Variants in DKK2 observed in about 807,000 individuals in gnomAD.
DKK2 encodes dickkopf-related protein 2.
A neutral mutation model predicts 28.1 loss-of-function variants in DKK2; 11 were observed. The ratio of observed to expected loss-of-function variants is 0.39; its 90% CI spans 0.25 to 0.65. The LOEUF (loss-of-function observed/expected upper bound fraction) is 0.65. Among genes scored for constraint, DKK2 ranks in the 30% least tolerant of loss-of-function variants. The pLI is 0.47. For synonymous variants in DKK2, 135 were observed against 126.5 expected (o/e 1.07, Z -0.45); for missense variants, 326 against 335.5 (o/e 0.97, Z 0.22).
chr4:107,000,064 A>G (rs560858429), intron 1 of DKK2, among the ~76,000 whole-genome samples: 124 of 152,278 alleles, frequency 8.1e-4, no homozygotes, highest in African/African-American at 1.8e-3. Context: ...AAAATAGAAT[A>G]TAAACATTAA....
intron 1 of DKK2, among the ~76,000 whole-genome samples, chr4:107,022,271 G>C (rs1214761609): frequency 6.6e-6 from 1 of 152,052 alleles, no homozygotes; most frequent in Non-Finnish European, 1.5e-5. Context: ...CATATACCTT[G>C]TCCTAAATGT....
intron 1 of DKK2, among the ~76,000 whole-genome samples, chr4:106,990,558 C>T (rs1302803334): frequency 1.3e-5 from 2 of 152,098 alleles, no homozygotes. Flanking sequence ...AAATGAAAAC[C>T]CTGATTTGCA....
In DKK2 at chr4:107,032,663, C is replaced by T. The variant is rs543214965; in HGVS notation, c.222+2707G>A. ...GCCTACTTGAAGCTGCATCCTAGAG[C>T]TTCTTCCTCCTGTATCCCTGAAAGG... On this transcript the variant is annotated intron_variant, in intron 1 of 3. Transcript: ENST00000285311. 2.0e-5 allele frequency among the ~76,000 whole-genome samples: 3 copies of T among 152,252 alleles called. No homozygotes were observed. In the South Asian group the frequency reaches 6.2e-4, roughly 32 times the overall value.
chr4:106,935,074 A>G (rs1427592945), intron 1 of DKK2, among the ~76,000 whole-genome samples: 4 of 151,994 alleles, frequency 2.6e-5, no homozygotes, highest in Non-Finnish European at 5.9e-5. Context: ...AAATAGACTA[A>G]TAAACCTTTT....
Position 106,944,172 on chromosome 4 carries a change from A to G in DKK2, c.223-18223T>C, listed in dbSNP as rs568683489. Among the ~76,000 whole-genome samples the G allele has an allele frequency of 7.2e-5, 11 of 152,210 alleles. No individual in the cohort carries two copies. The South Asian group carries it at 1.9e-3, about 26-fold the overall frequency. Reference sequence around the variant, plus strand: ...TTCTTGATACACTTTAGTCACAGCAATATAGCAACCAGTACCTAACAAGTA... The same window carrying G: ...TTCTTGATACACTTTAGTCACAGCAGTATAGCAACCAGTACCTAACAAGTA... On this transcript the variant is annotated intron_variant, in intron 1 of 3. Transcript: ENST00000285311.
intron 1 of DKK2, among the ~76,000 whole-genome samples, chr4:106,995,047 A>G (rs1723252472): frequency 6.6e-6 from 1 of 152,212 alleles, no homozygotes; most frequent in African/African-American, 2.4e-5. Flanking sequence ...TTAACCACAT[A>G]TAAAACTTGA....
chr4:107,017,453 TAGAG>T (rs549156750), intron 1 of DKK2, among the ~76,000 whole-genome samples: 1 of 151,910 alleles, frequency 6.6e-6, no homozygotes, highest in African/African-American at 2.4e-5. Context: ...GTGTTTTCAT[TAGAG>T]AGAGAGAATC....
chr4:106,983,080 G>T (rs1723050805), intron 1 of DKK2, among the ~76,000 whole-genome samples: 2 of 151,348 alleles, frequency 1.3e-5, no homozygotes, highest in South Asian at 4.2e-4. Context: ...AAAAAAGAAA[G>T]AAACAAAGAA....
intron 1 of DKK2, among the ~76,000 whole-genome samples, chr4:106,960,014 G>T (rs1434558631): frequency 4.0e-5 from 6 of 151,466 alleles, no homozygotes; most frequent in Admixed American, 1.3e-4. Context: ...TAGATATCTA[G>T]ATATCCTTTT....
chr4:106,941,015 G>A (rs1247072162), intron 1 of DKK2, among the ~76,000 whole-genome samples: 1 of 151,890 alleles, frequency 6.6e-6, no homozygotes, highest in African/African-American at 2.4e-5. Flanking sequence ...GCTAGATGAC[G>A]AGTTAGTGGG....
intron 1 of DKK2, among the ~76,000 whole-genome samples, chr4:107,000,138 A>C (rs1039170995): frequency 2.4e-4 from 36 of 152,168 alleles, no homozygotes; most frequent in African/African-American, 8.2e-4. Flanking sequence ...GCCCACTGAA[A>C]CTATTCAATG....
intron 1 of DKK2, among the ~76,000 whole-genome samples, chr4:107,000,929 C>G (rs116610421): frequency 3.3e-5 from 5 of 151,960 alleles, no homozygotes; most frequent in African/African-American, 1.2e-4. Context: ...CTGTACTAAC[C>G]GTAACAGGTT....
intron 1 of DKK2, among the ~76,000 whole-genome samples, chr4:107,023,145 A>G (rs1480279698): frequency 1.3e-5 from 2 of 152,124 alleles, no homozygotes; most frequent in Non-Finnish European, 2.9e-5. Flanking sequence ...CAATTTTTCC[A>G]TAGAGTATAA....
intron 1 of DKK2, among the ~76,000 whole-genome samples, chr4:106,985,226 A>AG (rs1371924079): frequency 7.9e-5 from 12 of 151,846 alleles, no homozygotes; most frequent in African/African-American, 2.4e-4. Flanking sequence ...AAAAAAAAAA[A>AG]AAGATTATAG....
At chr4:106,982,362 T>A (rs1723039070) in intron 1 of DKK2, among the ~76,000 whole-genome samples, 1 of 152,174 alleles carries the variant, frequency 6.6e-6, no homozygotes, top group South Asian at 2.1e-4. Context: ...TCATCACCCC[T>A]TCCACTAACT....
intron 1 of DKK2, among the ~76,000 whole-genome samples, chr4:106,989,307 T>A (rs951479599): frequency 6.6e-6 from 1 of 152,204 alleles, no homozygotes; most frequent in African/African-American, 2.4e-5. Flanking sequence ...GATTCTGGAC[T>A]ATAAAGCCAA....
At chr4:107,030,533 GATAA>G (rs1353086741) in intron 1 of DKK2, among the ~76,000 whole-genome samples, 3 of 151,872 alleles carry the variant, frequency 2.0e-5, no homozygotes, top group Non-Finnish European at 2.9e-5. Flanking sequence ...TGAACAATCA[GATAA>G]ATAACTAAAA....
At chr4:106,974,819 C>T (rs1037194185) in intron 1 of DKK2, among the ~76,000 whole-genome samples, 1 of 152,010 alleles carries the variant, frequency 6.6e-6, no homozygotes, top group African/African-American at 2.4e-5. Context: ...TTTCTTGTGC[C>T]GGTTTTCAAA....
chr4:106,970,207 A>T (rs75368162), intron 1 of DKK2, among the ~76,000 whole-genome samples: 1,672 of 152,236 alleles, frequency 0.011, 25 homozygotes, highest in African/African-American at 0.037. Flanking sequence ...AAGATTAACT[A>T]AATTAAGGTA....
Sources: gnomAD v4.1 joint callset for allele counts (sites outside exome capture counted in the v4.1 genomes callset) on GRCh38, gnomAD v4.1.1 for gene constraint, MANE v1.5 for transcripts, NCBI Gene and HGNC (gene_info 2026-07-23, HGNC 2026-07-21) for gene names.